Variants in SEMA3E observed in about 807,000 individuals in gnomAD.
The protein encoded by SEMA3E is semaphorin 3E.
SEMA3E carries 49 observed loss-of-function variants against 93.6 expected under a neutral mutation model. That is an observed-to-expected ratio of 0.52 (90% CI 0.42 to 0.66). The LOEUF (loss-of-function observed/expected upper bound fraction) is 0.66, where lower values mean the gene tolerates loss of function less well. Ranked by LOEUF, SEMA3E falls within the 30% of genes least tolerant of loss-of-function variation. The probability of loss-of-function intolerance (pLI) is 0.00; values close to 1 mark genes in which losing one functional copy is unlikely to be tolerated. For synonymous variants in SEMA3E, 363 were observed against 330.7 expected (o/e 1.10, Z -1.06); for missense variants, 906 against 964.8 (o/e 0.94, Z 0.81).
intron 4 of SEMA3E, among the ~76,000 whole-genome samples, chr7:83,465,265 C>G (rs183249514): frequency 1.3e-5 from 2 of 152,150 alleles, no homozygotes; most frequent in Non-Finnish European, 2.9e-5. Flanking sequence ...ACGGCCCCAC[C>G]CTTATCTCCC....
At chr7:83,489,902 ATCCAGGTATCAGT>A (rs1790345296) in intron 2 of SEMA3E, among the ~76,000 whole-genome samples, 199 bp downstream of exon 2, 1 of 152,118 alleles carries the variant, frequency 6.6e-6, no homozygotes, top group Non-Finnish European at 1.5e-5. Context: ...GTGTCTGGAA[ATCCAGGTATCAGT>A]GTTGTACTAG....
In SEMA3E at chr7:83,648,456, G is replaced by T; in HGVS notation, c.87C>A (p.Thr29=). Reference sequence around the variant, plus strand: ...TATGTGACAGGCGTAACCGGGGGTGGGTAGTATCAGCTGTATGACCTCCTG... The same window carrying T: ...TATGTGACAGGCGTAACCGGGGGTGTGTAGTATCAGCTGTATGACCTCCTG... The part of the protein sequence containing the change: ...LWTGGHTADT[T]HPRLRLSHKE... Residue 29 remains threonine (T), a synonymous_variant, in exon 1 of 17, where the codon ACC becomes ACA. Coordinates refer to ENST00000643230, the MANE Select transcript of SEMA3E (RefSeq NM_012431.3). 7 of 1,612,218 alleles carry T rather than the reference G, an allele frequency of 4.3e-6. No individual in the cohort carries two copies. The highest frequency in any genetic ancestry group is 5.9e-6 in the Non-Finnish European group (7 of 1,179,164).
chr7:83,556,683 C>T (rs1278958229), intron 1 of SEMA3E, among the ~76,000 whole-genome samples: 2 of 152,210 alleles, frequency 1.3e-5, no homozygotes, highest in Middle Eastern at 3.4e-3. Flanking sequence ...TATAATCTGA[C>T]TTAGGAATTA....
rs1229029502 is a variant in SEMA3E, at chr7:83,641,106, C to T, written c.115+7322G>A. Among the ~76,000 whole-genome samples, 3 of 152,166 alleles carry T rather than the reference C, an allele frequency of 2.0e-5. No homozygotes were observed. In the South Asian group the frequency reaches 6.2e-4, roughly 32 times the overall value. On this transcript the variant is annotated intron_variant, in intron 1 of 16. Coordinates refer to ENST00000643230, the MANE Select transcript of SEMA3E (RefSeq NM_012431.3). Reference sequence around the variant, plus strand: ...ACTGATGAGAAAGAAGGTGAATAGACAGAAAGCCCCAGCCTTTTCTCTAAC... The same window carrying T: ...ACTGATGAGAAAGAAGGTGAATAGATAGAAAGCCCCAGCCTTTTCTCTAAC...
chr7:83,619,547 A>T (rs42017), intron 1 of SEMA3E, among the ~76,000 whole-genome samples: 98,812 of 151,516 alleles, frequency 0.65, 33,458 homozygotes, highest in African/African-American at 0.85. Flanking sequence ...CAGTAGAAAA[A>T]GAGAAATGAA....
intron 1 of SEMA3E, among the ~76,000 whole-genome samples, chr7:83,582,193 A>T (rs1027272793): frequency 8.6e-5 from 13 of 150,584 alleles, no homozygotes; most frequent in African/African-American, 3.2e-4. Context: ...TTTAAATGTA[A>T]AAATAAAATT....
At chr7:83,491,421 T>G (rs1006383351) in intron 1 of SEMA3E, among the ~76,000 whole-genome samples, 2 of 151,974 alleles carry the variant, frequency 1.3e-5, no homozygotes, top group African/African-American at 4.8e-5. Flanking sequence ...CTTATCTATA[T>G]CTCTACCCTC....
At chr7:83,391,678 T>A (rs567530688) in intron 14 of SEMA3E, among the ~76,000 whole-genome samples, 1 of 152,248 alleles carries the variant, frequency 6.6e-6, no homozygotes, top group Non-Finnish European at 1.5e-5. Context: ...GAAGTTTTAA[T>A]GAGATTCTGC....
At chr7:83,396,546 G>C in intron 12 of SEMA3E, 92 bp downstream of exon 12, 2 of 754,282 alleles carry the variant, frequency 2.7e-6, no homozygotes, top group Non-Finnish European at 4.6e-6. Context: ...ATACCTGTTA[G>C]GGAAAAAAAA....
At chr7:83,556,095 A>G (rs1370474388) in intron 1 of SEMA3E, among the ~76,000 whole-genome samples, 1 of 152,158 alleles carries the variant, frequency 6.6e-6, no homozygotes, top group African/African-American at 2.4e-5. Flanking sequence ...ATATGTTTAC[A>G]TTATATGTTT....
intron 10 of SEMA3E, 125 bp from the exon 11 acceptor site, chr7:83,400,375 T>C: frequency 1.2e-6 from 1 of 859,714 alleles, no homozygotes; most frequent in South Asian, 1.5e-5. Flanking sequence ...TTTAGAAATA[T>C]TTAGTAATCA....
intron 1 of SEMA3E, among the ~76,000 whole-genome samples, chr7:83,545,729 C>T (rs1382349887): frequency 6.7e-6 from 1 of 149,142 alleles, no homozygotes; most frequent in Non-Finnish European, 1.5e-5. Flanking sequence ...CAGTAGTATA[C>T]TGTATGGATG....
At chr7:83,500,909 T>C (rs1387948433) in intron 1 of SEMA3E, among the ~76,000 whole-genome samples, 1 of 152,116 alleles carries the variant, frequency 6.6e-6, no homozygotes, top group Non-Finnish European at 1.5e-5. Flanking sequence ...TCAAAATACT[T>C]TCATGTATTC....
rs1469381955 is a variant in SEMA3E, at chr7:83,390,239, G to A, written c.1667+2316C>T. Among the ~76,000 whole-genome samples the A allele has an allele frequency of 1.3e-3, 22 of 17,576 alleles. 8 individuals are homozygous for A. The highest frequency in any genetic ancestry group is 9.3e-3 in the Admixed American group (12 of 1,290). 11.5% of individuals were successfully genotyped at this position (17,576 alleles called of 152,430 possible). A position where few individuals can be genotyped will look rare whatever the true frequency, so the allele number is the denominator to read the frequency against. ...CGCGTATATATGCGCGTATATATGCGCGTATATATGCGCGTATATATGCGC... is the reference window on the plus strand; with the variant it reads ...CGCGTATATATGCGCGTATATATGCACGTATATATGCGCGTATATATGCGC... On this transcript the variant is annotated intron_variant, in intron 14 of 16. Transcript: ENST00000643230.
At chr7:83,555,808 T>A (rs1247356305) in intron 1 of SEMA3E, among the ~76,000 whole-genome samples, 1 of 152,208 alleles carries the variant, frequency 6.6e-6, no homozygotes, top group Non-Finnish European at 1.5e-5. Flanking sequence ...TTCAAATTCA[T>A]GCTCGGTAGC....
intron 1 of SEMA3E, among the ~76,000 whole-genome samples, chr7:83,522,911 G>A (rs914385618): frequency 6.6e-6 from 1 of 151,926 alleles, no homozygotes; most frequent in African/African-American, 2.4e-5. Flanking sequence ...TAACAATCCT[G>A]TTACTCTCGT....
chr7:83,586,992 G>C (rs772529549), intron 1 of SEMA3E, among the ~76,000 whole-genome samples: 1 of 152,050 alleles, frequency 6.6e-6, no homozygotes, highest in Non-Finnish European at 1.5e-5. Flanking sequence ...TACATTGAAG[G>C]CTGTAAAATA....
intron 1 of SEMA3E, among the ~76,000 whole-genome samples, chr7:83,517,155 G>C (rs113817411): frequency 6.6e-6 from 1 of 152,088 alleles, no homozygotes; most frequent in Non-Finnish European, 1.5e-5. Flanking sequence ...TTGAGCATCT[G>C]CATTAACAGG....
At chr7:83,498,800 A>T (rs1262027094) in intron 1 of SEMA3E, among the ~76,000 whole-genome samples, 1 of 152,096 alleles carries the variant, frequency 6.6e-6, no homozygotes, top group Non-Finnish European at 1.5e-5. Flanking sequence ...AATAAATTTT[A>T]TGGTTCAAAA....
Sources: gnomAD v4.1 joint callset for allele counts (sites outside exome capture counted in the v4.1 genomes callset) on GRCh38, gnomAD v4.1.1 for gene constraint, MANE v1.5 for transcripts, NCBI Gene and HGNC (gene_info 2026-07-23, HGNC 2026-07-21) for gene names.